The following ENTPD1 variants were observed in gnomAD, a reference collection of about 807,000 sequenced individuals.
ENTPD1 encodes ectonucleoside triphosphate diphosphohydrolase 1.
In ENTPD1, 33 loss-of-function variants were observed where a neutral mutation model predicts 57.0. The ratio of observed to expected loss-of-function variants is 0.58; its 90% CI spans 0.44 to 0.77. The LOEUF (loss-of-function observed/expected upper bound fraction) is 0.77, where lower values mean the gene tolerates loss of function less well. Among genes scored for constraint, ENTPD1 ranks in the 30% least tolerant of loss-of-function variants. The pLI is 0.00. For missense variants in ENTPD1, 501 were observed against 603.4 expected, an observed-to-expected ratio of 0.83 and a Z score of 1.78; for synonymous variants, 202 against 218.8, an observed-to-expected ratio of 0.92 and a Z score of 0.68.
At position 95,871,173 on chromosome 10, in the gene ENTPD1, GC is replaced by G. The variant is rs1401075508; in HGVS notation, c.*4792del. The G allele has an allele frequency of 1.2e-5, 12 of 985,422 alleles. No homozygotes were observed. In the South Asian group the frequency reaches 4.2e-4, roughly 35 times the overall value. 61.0% of individuals were successfully genotyped at this position (985,422 alleles called of 1,614,324 possible). A position where few individuals can be genotyped will look rare whatever the true frequency, so the allele number is the denominator to read the frequency against. ...GTGGGAGGAATGGCAAAGTCATATG[GC>G]CAAGGCCATGAGTGATTAATTTTAA... On this transcript the variant is annotated 3_prime_UTR_variant, in exon 10 of 10. Coordinates refer to ENST00000371205, the MANE Select transcript of ENTPD1 (RefSeq NM_001776.6).
intron 5 of ENTPD1, 100 bp from the exon 6 acceptor site, chr10:95,845,257 C>A (rs1441077871): frequency 3.9e-6 from 6 of 1,548,212 alleles, no homozygotes; most frequent in Non-Finnish European, 5.3e-6. Flanking sequence ...CACCTTTATG[C>A]CCCTGTTTCT....
At chr10:95,853,154 G>C (rs537290161) in intron 7 of ENTPD1, among the ~76,000 whole-genome samples, 34 of 152,270 alleles carry the variant, frequency 2.2e-4, no homozygotes, top group African/African-American at 7.9e-4. Flanking sequence ...CACATCCCTT[G>C]TAAGTTGGAC....
rs2098474891 is a variant in ENTPD1, at chr10:95,866,666, A to C, written c.*283A>C. On this transcript the variant is annotated 3_prime_UTR_variant, in exon 10 of 10. Transcript: ENST00000371205. ...AGGTTTTAAAGACCTGACACCTTTCATAATCTTTGCTTTATAAAAGAACAA... is the reference window on the plus strand; with the variant it reads ...AGGTTTTAAAGACCTGACACCTTTCCTAATCTTTGCTTTATAAAAGAACAA... 7.9e-7 allele frequency: 1 copy of C among 1,263,266 alleles called. No individual in the cohort carries two copies. The highest frequency in any genetic ancestry group is 3.4e-5 in the Admixed American group (1 of 29,046). The allele number at this position is 1,263,266 out of a possible 1,614,324, so 78.3% of individuals were successfully genotyped here. A position where few individuals can be genotyped will look rare whatever the true frequency, so the allele number is the denominator to read the frequency against.
intron 1 of ENTPD1, among the ~76,000 whole-genome samples, chr10:95,806,705 A>T (rs530574547): frequency 2.8e-4 from 43 of 152,150 alleles, no homozygotes; most frequent in African/African-American, 1.0e-3. Context: ...TGTTGATGCT[A>T]TTTCCTTCTG....
chr10:95,871,689 G>C lies in ENTPD1; in HGVS notation c.*5306G>C. ...CATTGCTCTATTTTACATAAATTAAGTTATAAATTGACACTATAATCAACT... is the reference window on the plus strand; with the variant it reads ...CATTGCTCTATTTTACATAAATTAACTTATAAATTGACACTATAATCAACT... On this transcript the variant is annotated 3_prime_UTR_variant, in exon 10 of 10. Coordinates refer to ENST00000371205, the MANE Select transcript of ENTPD1 (RefSeq NM_001776.6). 2 of 985,384 alleles carry C rather than the reference G, an allele frequency of 2.0e-6. No homozygotes were observed. Among genetic ancestry groups the C allele is most frequent in the Non-Finnish European group, 2.4e-6 (2 of 829,910 alleles). The allele number at this position is 985,384 out of a possible 1,614,324, so 61.0% of individuals were successfully genotyped here.
intron 1 of ENTPD1, among the ~76,000 whole-genome samples, chr10:95,780,997 T>A (rs1207411837): frequency 6.6e-6 from 1 of 152,178 alleles, no homozygotes; most frequent in East Asian, 1.9e-4. Context: ...TAGCTAAGAT[T>A]TGGAAGCAAC....
chr10:95,789,782 T>C (rs1373713083), intron 1 of ENTPD1, among the ~76,000 whole-genome samples: 2 of 152,188 alleles, frequency 1.3e-5, no homozygotes, highest in African/African-American at 2.4e-5. Flanking sequence ...TAAACAAATA[T>C]AAAGATGCAG....
At chr10:95,749,063 C>T (rs1375567703) in intron 1 of ENTPD1, among the ~76,000 whole-genome samples, 1 of 152,170 alleles carries the variant, frequency 6.6e-6, no homozygotes, top group Non-Finnish European at 1.5e-5. Context: ...GTTATGTGAA[C>T]AGTCATTGAT....
At chr10:95,723,411 G>T (rs1240445931) in intron 1 of ENTPD1, among the ~76,000 whole-genome samples, 1 of 152,080 alleles carries the variant, frequency 6.6e-6, no homozygotes, top group Non-Finnish European at 1.5e-5. Flanking sequence ...AACTGCCCAT[G>T]TCTAGAGCTG....
At chr10:95,726,204 CT>C (rs960616875) in intron 1 of ENTPD1, among the ~76,000 whole-genome samples, 2 of 152,172 alleles carry the variant, frequency 1.3e-5, no homozygotes, top group Non-Finnish European at 2.9e-5. Context: ...ACCTTACCTC[CT>C]TTTAGATCAC....
the ENTPD1 span, among the ~76,000 whole-genome samples, chr10:95,705,617 G>C: frequency 6.6e-6 from 1 of 152,090 alleles, no homozygotes; most frequent in African/African-American, 2.4e-5. Flanking sequence ...TCAGCCTCCT[G>C]AGTACCTGGG....
intron 1 of ENTPD1, among the ~76,000 whole-genome samples, chr10:95,781,777 A>G (rs2098159138): frequency 6.6e-6 from 1 of 152,144 alleles, no homozygotes; most frequent in Non-Finnish European, 1.5e-5. Context: ...GTTTGCCCAG[A>G]TTCTCCCATA....
intron 2 of ENTPD1, among the ~76,000 whole-genome samples, chr10:95,826,645 G>A (rs1180396604): frequency 2.0e-5 from 3 of 151,914 alleles, no homozygotes; most frequent in Non-Finnish European, 4.4e-5. Context: ...GAAGGAGTTG[G>A]ATATCTCCTA....
chr10:95,860,603 G>T (rs892804878), intron 8 of ENTPD1, 21 bp downstream of exon 8: 1 of 1,596,872 alleles, frequency 6.3e-7, no homozygotes, highest in Non-Finnish European at 8.6e-7. Context: ...AGGCACAGCA[G>T]CTCTAACAGC....
Position 95,866,754 on chromosome 10 carries a change from AAAG to A in ENTPD1, c.*377_*379del. ...CTGTGATAGGAGGCTGAGCTGGCTG[AAAG>A]AAGAATCTCAGGAACTGGTTCAGTT... On this transcript the variant is annotated 3_prime_UTR_variant, in exon 10 of 10. Coordinates refer to ENST00000371205, the MANE Select transcript of ENTPD1 (RefSeq NM_001776.6). The A allele has an allele frequency of 8.8e-7, 1 of 1,131,930 alleles. No homozygotes were observed. Among genetic ancestry groups the A allele is most frequent in the Non-Finnish European group, 1.1e-6 (1 of 915,766 alleles). 70.1% of individuals were successfully genotyped at this position (1,131,930 alleles called of 1,614,324 possible).
At chr10:95,705,485 A>ATTT in the ENTPD1 span, among the ~76,000 whole-genome samples, 1 of 151,552 alleles carries the variant, frequency 6.6e-6, no homozygotes, top group African/African-American at 2.4e-5. Context: ...CCACACAACA[A>ATTT]TTTTTTTTGT....
chr10:95,787,463 T>C lies in ENTPD1; in HGVS notation c.16+31208T>C, dbSNP rs572235339. Among the ~76,000 whole-genome samples, 11 of 152,280 alleles carry C rather than the reference T, an allele frequency of 7.2e-5. No homozygotes were observed. In the South Asian group the frequency reaches 2.3e-3, roughly 32 times the overall value. ...GGAGAGGGGATGTTAAAGATAGTAT[T>C]TGGCTGTATGAAAATATAGAAGTAT... On this transcript the variant is annotated intron_variant, in intron 1 of 9. Transcript: ENST00000371205.
chr10:95,857,734 A>G (rs956390834), intron 7 of ENTPD1, among the ~76,000 whole-genome samples: 4 of 152,238 alleles, frequency 2.6e-5, no homozygotes, highest in Non-Finnish European at 5.9e-5. Context: ...GCCAAGTGCC[A>G]TGTTAGTGAG....
chr10:95,807,446 C>T (rs2098277984), intron 1 of ENTPD1, among the ~76,000 whole-genome samples: 1 of 152,204 alleles, frequency 6.6e-6, no homozygotes, highest in Non-Finnish European at 1.5e-5. Flanking sequence ...AGGGAAATCC[C>T]CCAACCCCTT....
Sources: allele counts gnomAD v4.1 joint callset (sites outside exome capture counted in the v4.1 genomes callset), GRCh38; gene constraint gnomAD v4.1.1; transcripts MANE v1.5; gene names NCBI Gene and HGNC (gene_info 2026-07-23, HGNC 2026-07-21).